MYH9: variants seen among roughly 807,000 people sequenced by gnomAD.
MYH9 encodes myosin-9.
Under a neutral mutation model 241.9 loss-of-function variants are expected in MYH9, and 29 were observed. The observed-to-expected ratio is 0.12, with a 90% CI of 0.09 to 0.16. The LOEUF is 0.16. Ranked by LOEUF, MYH9 falls within the 10% of genes least tolerant of loss-of-function variation. The probability of loss-of-function intolerance (pLI) is 1.00; values close to 1 mark genes in which losing one functional copy is unlikely to be tolerated. For synonymous variants in MYH9, 1,047 were observed against 1,062.6 expected, an observed-to-expected ratio of 0.99 and a Z score of 0.29; for missense variants, 1,803 against 2,595.5, an observed-to-expected ratio of 0.69 and a Z score of 6.63.
In MYH9 at chr22:36,295,413, T is replaced by G. The variant is rs1443978693; in HGVS notation, c.3485+92A>C. The G allele has an allele frequency of 8.0e-6, 8 of 996,438 alleles. No homozygotes were observed. Among genetic ancestry groups the G allele is most frequent in the Admixed American group, 3.8e-5 (2 of 52,734 alleles). The allele number at this position is 996,438 out of a possible 1,614,324, so 61.7% of individuals were successfully genotyped here. A position where few individuals can be genotyped will look rare whatever the true frequency, so the allele number is the denominator to read the frequency against. On this transcript the variant is annotated intron_variant, in intron 26 of 40. Transcript: ENST00000216181. This position sits in a 1 kb window ranked among gnomAD's most constrained non-coding sequence, Gnocchi z 4.1. ...CTAAGAGGGCCACGGTGTGTGTGTG[T>G]GTGTGTGTGCAGAGGCCCGGGGTCC...
chr22:36,286,634 A>C, intron 35 of MYH9, 84 bp downstream of exon 35: 2 of 1,589,184 alleles, frequency 1.3e-6, no homozygotes, highest in Non-Finnish European at 1.7e-6. Context: ...GTAGGACTCC[A>C]GCCCTGTCCT....
Position 36,306,846 on chromosome 22 carries a change from T to C in MYH9, c.1844-239A>G, listed in dbSNP as rs5750248. 0.81 allele frequency among the ~76,000 whole-genome samples: 123,774 copies of C among 152,156 alleles called. 54,248 individuals are homozygous for C. The highest frequency in any genetic ancestry group is 1 in the East Asian group (5,173 of 5,178). ...CTCTTGGGGAGCCATGCATCTGCCA[T>C]GGCCACCTCACCTTCCTGTCACCTA... On this transcript the variant is annotated intron_variant, in intron 15 of 40. Transcript: ENST00000216181. This position sits in a 1 kb window ranked among gnomAD's most constrained non-coding sequence, Gnocchi z 4.1.
In MYH9 at chr22:36,281,910, G is replaced by A. The variant is rs2016495580; in HGVS notation, c.*758C>T. ...GAGTGTTGGGAGAAGCCACTGGAAG[G>A]CTGCTGGCCTTTCCAGCTTGACCCC... On this transcript the variant is annotated 3_prime_UTR_variant, in exon 41 of 41. Coordinates refer to ENST00000216181, the MANE Select transcript of MYH9 (RefSeq NM_002473.6). The A allele has an allele frequency of 4.3e-6, 1 of 231,778 alleles. No individual in the cohort carries two copies. Among genetic ancestry groups the A allele is most frequent in the Middle Eastern group, 1.3e-3 (1 of 774 alleles). The allele number at this position is 231,778 out of a possible 1,614,324, so 14.4% of individuals were successfully genotyped here.
At position 36,289,131 on chromosome 22, in the gene MYH9, G is replaced by T; in HGVS notation, c.4511C>A (p.Thr1504Lys). 6.2e-7 allele frequency: 1 copy of T among 1,614,020 alleles called. No homozygotes were observed. Residue 1504 changes from threonine to lysine, a missense_variant, in exon 32 of 41, where the codon ACG becomes AAG. Transcript: ENST00000216181. The stretch of plus-strand genomic sequence containing the variant: ...GGAGCTCATAAGGTCCTCCATCTCC[G>T]TGCGGAACTGCTTGTTGAGCCGCTC... Reference protein sequence around the residue: ...ELERLNKQFRTEMEDLMSSKD... With the variant: ...ELERLNKQFRKEMEDLMSSKD...
At chr22:36,319,230 G>A (rs959642620) in intron 10 of MYH9, among the ~76,000 whole-genome samples, 2 of 152,146 alleles carry the variant, frequency 1.3e-5, no homozygotes, top group African/African-American at 4.8e-5. Flanking sequence ...CATAGTCACA[G>A]GCAAGGCTCC....
At chr22:36,331,891 C>T (rs759971232) in intron 3 of MYH9, among the ~76,000 whole-genome samples, 22 of 152,200 alleles carry the variant, frequency 1.4e-4, no homozygotes, top group African/African-American at 4.3e-4. Context: ...AACATGCCCA[C>T]GTTGGGTGAG....
intron 1 of MYH9, among the ~76,000 whole-genome samples, chr22:36,379,554 A>C (rs2018223338): frequency 1.3e-5 from 2 of 152,224 alleles, no homozygotes; most frequent in Admixed American, 1.3e-4. Context: ...TGGCCTAAGA[A>C]GGCAAGAGAG....
In MYH9 at chr22:36,284,110, G is replaced by C. The variant is rs1285335824; in HGVS notation, c.5748C>G (p.Ser1916=). ...CGGCTCACCTGAGCTTGTTCTTTAG[G>C]GAGCTGACTTCGCGGTTCATGGCAT... ...TADAMNREVS[S]LKNKLRRGDL... The change falls in exon 40 of 41, where the codon TCC becomes TCG. Residue 1916 remains serine, a synonymous_variant. Transcript: ENST00000216181. 3.1e-6 allele frequency: 5 copies of C among 1,614,072 alleles called. No individual in the cohort carries two copies. Among genetic ancestry groups the C allele is most frequent in the East Asian group, 2.2e-5 (1 of 44,896 alleles).
At position 36,305,441 on chromosome 22, in the gene MYH9, C is replaced by A. The variant is rs56098776; in HGVS notation, c.2160-339G>T. On this transcript the variant is annotated intron_variant, in intron 17 of 40. Coordinates refer to ENST00000216181, the MANE Select transcript of MYH9 (RefSeq NM_002473.6). This position sits in a 1 kb window ranked among gnomAD's most constrained non-coding sequence, Gnocchi z 4.7. ...CCATGTTCACACAGCTTCCCTGGGACGCTGCAGGGAGCTGCTAATAAACAG... is the reference window on the plus strand; with the variant it reads ...CCATGTTCACACAGCTTCCCTGGGAAGCTGCAGGGAGCTGCTAATAAACAG... Among the ~76,000 whole-genome samples, 1 of 152,116 alleles carries A rather than the reference C, an allele frequency of 6.6e-6. No individual in the cohort carries two copies. Among genetic ancestry groups the A allele is most frequent in the Admixed American group, 6.5e-5 (1 of 15,272 alleles).
At chr22:36,325,753 A>G (rs2017326469) in intron 5 of MYH9, among the ~76,000 whole-genome samples, 1 of 152,172 alleles carries the variant, frequency 6.6e-6, no homozygotes, top group African/African-American at 2.4e-5. Context: ...AAATCTGGGC[A>G]TGACTGGAGT....
At chr22:36,313,924 C>T (rs1413207093) in intron 13 of MYH9, among the ~76,000 whole-genome samples, 1 of 152,216 alleles carries the variant, frequency 6.6e-6, no homozygotes, top group Non-Finnish European at 1.5e-5. Context: ...GGGAAAAGCC[C>T]AGCCCACAGC....
chr22:36,304,811 T>C lies in MYH9; in HGVS notation c.2229+222A>G, dbSNP rs765796320. Among the ~76,000 whole-genome samples the C allele has an allele frequency of 2.6e-4, 40 of 152,242 alleles. 1 individual carries two copies. The highest frequency in any genetic ancestry group is 1.0e-4 in the Non-Finnish European group (7 of 68,036). ...AGAGCCCGGCCATGGCTACAGTTCT[T>C]GTCTCCTCCACACAACCCTGGTGCC... On this transcript the variant is annotated intron_variant, in intron 18 of 40. Coordinates refer to ENST00000216181, the MANE Select transcript of MYH9 (RefSeq NM_002473.6).
At chr22:36,327,532 A>G in intron 3 of MYH9, 44 bp from the exon 4 acceptor site, 1 of 1,612,604 alleles carries the variant, frequency 6.2e-7, no homozygotes. Flanking sequence ...CAGATGCAAA[A>G]GCCTCCCCAC....
At chr22:36,292,524 G>C (rs1306110042) in intron 30 of MYH9, among the ~76,000 whole-genome samples, 1 of 152,240 alleles carries the variant, frequency 6.6e-6, no homozygotes, top group African/African-American at 2.4e-5. Context: ...GCTCTACGGA[G>C]ACTGCTCCCA....
chr22:36,308,719 G>GC, intron 15 of MYH9: 1 of 756,264 alleles, frequency 1.3e-6, no homozygotes, highest in Non-Finnish European at 1.6e-6. Context: ...AAGGCAAGGG[G>GC]GGGCGCGAGA....
Position 36,330,717 on chromosome 22 carries a change from T to A in MYH9, c.491-3229A>T, listed in dbSNP as rs2017408050. Among the ~76,000 whole-genome samples the A allele has an allele frequency of 6.6e-6, 1 of 152,090 alleles. No individual in the cohort carries two copies. Among genetic ancestry groups the A allele is most frequent in the Non-Finnish European group, 1.5e-5 (1 of 68,022 alleles). On this transcript the variant is annotated intron_variant, in intron 3 of 40. Coordinates refer to ENST00000216181, the MANE Select transcript of MYH9 (RefSeq NM_002473.6). This position sits in a 1 kb window ranked among gnomAD's most constrained non-coding sequence, Gnocchi z 4.5. The stretch of plus-strand genomic sequence containing the variant: ...CTGTCATCTCACAGGATGAGCACAT[T>A]CAGAGTCCGGCCCAATCTGCTTGTT...
intron 2 of MYH9, among the ~76,000 whole-genome samples, chr22:36,344,968 C>T (rs1252064420): frequency 6.6e-6 from 1 of 152,228 alleles, no homozygotes; most frequent in East Asian, 1.9e-4. Context: ...CAGCCTGAGT[C>T]CAGGCCCCCA....
intron 34 of MYH9, among the ~76,000 whole-genome samples, chr22:36,287,576 T>C (rs1306940158): frequency 6.6e-6 from 1 of 152,144 alleles, no homozygotes; most frequent in Non-Finnish European, 1.5e-5. Context: ...ACCCCGTCTC[T>C]ACTAAAAATA....
intron 10 of MYH9, 27 bp downstream of exon 10, chr22:36,319,513 T>C (rs2017215322): frequency 6.2e-7 from 1 of 1,610,834 alleles, no homozygotes; most frequent in East Asian, 2.2e-5. Context: ...TGCCCCATTA[T>C]TTCCAGCGAG....
Sources: gnomAD v4.1 joint callset for allele counts (sites outside exome capture counted in the v4.1 genomes callset) on GRCh38, gnomAD v4.1.1 for gene constraint, Gnocchi (gnomAD v3.1) non-coding constraint, MANE v1.5 for transcripts, NCBI Gene and HGNC (gene_info 2026-07-23, HGNC 2026-07-21) for gene names.